The following GLIPR1L1 variants were observed in gnomAD, a reference collection of about 807,000 sequenced individuals.
The protein encoded by GLIPR1L1 is GLIPR1-like protein 1.
A neutral mutation model predicts 29.9 loss-of-function variants in GLIPR1L1; 26 were observed. That is an observed-to-expected ratio of 0.87 (90% CI 0.64 to 1.21). The LOEUF is 1.21. Ranked by LOEUF, GLIPR1L1 falls within the 50% of genes most tolerant of loss-of-function variation. The pLI, the probability that GLIPR1L1 is intolerant of heterozygous loss-of-function variation, is 0.00. For missense variants in GLIPR1L1, 305 were observed against 290.3 expected (o/e 1.05, Z -0.37); for synonymous variants, 77 against 97.5 (o/e 0.79, Z 1.24).
At chr12:75,360,941 T>C (rs78559089) in intron 3 of GLIPR1L1, 5,849 of 152,276 alleles carry the variant, frequency 0.038, 130 homozygotes, top group East Asian at 0.052. Flanking sequence ...CCCAACACTG[T>C]TGCAGTCTTT....
At chr12:75,363,586 T>C (rs2043764383) in intron 4 of GLIPR1L1, among the ~76,000 whole-genome samples, 1 of 152,200 alleles carries the variant, frequency 6.6e-6, no homozygotes, top group South Asian at 2.1e-4. Flanking sequence ...AACTAACATG[T>C]TTCTCTTTCA....
chr12:75,344,568 C>G (rs1420698604), intron 2 of GLIPR1L1, among the ~76,000 whole-genome samples: 2 of 151,994 alleles, frequency 1.3e-5, no homozygotes, highest in Non-Finnish European at 2.9e-5. Context: ...AATATTTTCC[C>G]TGCTAGCTCT....
chr12:75,335,963 T>C (rs1162043008), intron 1 of GLIPR1L1, among the ~76,000 whole-genome samples: 1 of 151,972 alleles, frequency 6.6e-6, no homozygotes, highest in Non-Finnish European at 1.5e-5. Flanking sequence ...TAATAAATGT[T>C]CTTTATATTT....
intron 3 of GLIPR1L1, among the ~76,000 whole-genome samples, chr12:75,355,997 G>C (rs968910571): frequency 1.3e-5 from 2 of 152,232 alleles, no homozygotes; most frequent in Admixed American, 6.5e-5. Flanking sequence ...TGGGGAGAGG[G>C]AGAGCATCAG....
At chr12:75,361,910 A>G (rs2043622328) in intron 3 of GLIPR1L1, among the ~76,000 whole-genome samples, 1 of 152,174 alleles carries the variant, frequency 6.6e-6, no homozygotes, top group African/African-American at 2.4e-5. Flanking sequence ...CCTAAATGTA[A>G]AACCTACAAC....
chr12:75,342,245 A>G (rs992927243), intron 1 of GLIPR1L1, among the ~76,000 whole-genome samples: 1 of 152,218 alleles, frequency 6.6e-6, no homozygotes, highest in African/African-American at 2.4e-5. Context: ...ATAAAATCAC[A>G]TAAACCTACA....
chr12:75,335,691 T>C lies in GLIPR1L1; in HGVS notation c.174+789T>C, dbSNP rs1353382770. Among the ~76,000 whole-genome samples, 4 of 151,990 alleles carry C rather than the reference T, an allele frequency of 2.6e-5. No individual in the cohort carries two copies. In the East Asian group the frequency reaches 7.7e-4, roughly 29 times the overall value. ...AGTTCAAAACTGTACTAGTCTACTG[T>C]ATAAGAAAATTATATTTTGATGGAG... On this transcript the variant is annotated intron_variant, in intron 1 of 5. Coordinates refer to ENST00000378695, the MANE Select transcript of GLIPR1L1 (RefSeq NM_001304964.2).
intron 1 of GLIPR1L1, among the ~76,000 whole-genome samples, chr12:75,343,393 A>T (rs779262772): frequency 5.3e-5 from 8 of 151,960 alleles, no homozygotes; most frequent in Non-Finnish European, 8.8e-5. Flanking sequence ...GAATTACTAG[A>T]CTTTGAATTC....
In GLIPR1L1 at chr12:75,370,300, TTAA is replaced by T. The variant is rs1233196336; in HGVS notation, c.*126_*128del. On this transcript the variant is annotated 3_prime_UTR_variant, in exon 6 of 6. Coordinates refer to ENST00000378695, the MANE Select transcript of GLIPR1L1 (RefSeq NM_001304964.2). ...CTACACTCTTGCCTGATACCTAAATTTAATGTTTGTTTTTAACTCAAAAAATGT... is the reference window on the plus strand; with the variant it reads ...CTACACTCTTGCCTGATACCTAAATTTGTTTGTTTTTAACTCAAAAAATGT... 3 of 570,902 alleles carry T rather than the reference TTAA, an allele frequency of 5.3e-6. No homozygotes were observed. Among genetic ancestry groups the T allele is most frequent in the Non-Finnish European group, 9.3e-6 (3 of 321,790 alleles). The allele number at this position is 570,902 out of a possible 1,614,324, so 35.4% of individuals were successfully genotyped here.
Position 75,369,956 on chromosome 12 carries a change from T to C in GLIPR1L1, c.611-4T>C, listed in dbSNP as rs2044249642. 8.9e-7 allele frequency: 1 copy of C among 1,126,348 alleles called. No individual in the cohort carries two copies. Among genetic ancestry groups the C allele is most frequent in the Non-Finnish European group, 1.2e-6 (1 of 806,874 alleles). 69.8% of individuals were successfully genotyped at this position (1,126,348 alleles called of 1,614,324 possible). On this transcript the variant is annotated splice_polypyrimidine_tract_variant and splice_region_variant and intron_variant, in intron 4 of 5. Coordinates refer to ENST00000378695, the MANE Select transcript of GLIPR1L1 (RefSeq NM_001304964.2). Reference sequence around the variant, plus strand: ...TATAATATTAACTTTAATTTTTACTTTAGGGACTCCACAACTTATTATACC... The same window carrying C: ...TATAATATTAACTTTAATTTTTACTCTAGGGACTCCACAACTTATTATACC...
chr12:75,361,072 A>G (rs1348449994), intron 3 of GLIPR1L1: 1 of 152,166 alleles, frequency 6.6e-6, no homozygotes, highest in African/African-American at 2.4e-5. Context: ...CTCTCAACAA[A>G]GAGAAATGTG....
intron 1 of GLIPR1L1, among the ~76,000 whole-genome samples, chr12:75,341,750 T>C (rs1007697304): frequency 7.2e-6 from 1 of 138,458 alleles, no homozygotes; most frequent in African/African-American, 2.7e-5. Context: ...CCGGCCTCTT[T>C]TTTTTTTTTT....
At position 75,343,865 on chromosome 12, in the gene GLIPR1L1, C is replaced by T; in HGVS notation, c.347C>T (p.Ala116Val). 1 of 1,612,540 alleles carries T rather than the reference C, an allele frequency of 6.2e-7. No homozygotes were observed. Residue 116 changes from alanine (A) to valine (V), a missense_variant, in exon 2 of 6, where the codon GCT becomes GTT. Transcript: ENST00000378695. ...KSFTPRHAIT[A>V]WYNETQFYDF... ...TTCACACCAAGACATGCCATTACGG[C>T]TTGGTATAATGAAACCCAATTTTAT...
At chr12:75,341,794 G>C (rs954940887) in intron 1 of GLIPR1L1, among the ~76,000 whole-genome samples, 1 of 123,106 alleles carries the variant, frequency 8.1e-6, no homozygotes, top group Admixed American at 1.0e-4. Flanking sequence ...CTGTCACCCA[G>C]ACTGGAGGGC....
chr12:75,345,465 G>A (rs2042386351), intron 2 of GLIPR1L1, among the ~76,000 whole-genome samples: 1 of 152,098 alleles, frequency 6.6e-6, no homozygotes, highest in African/African-American at 2.4e-5. Flanking sequence ...AATATAAAGA[G>A]CTAACCTTCT....
intron 1 of GLIPR1L1, among the ~76,000 whole-genome samples, chr12:75,337,046 T>C (rs2041783482): frequency 6.6e-6 from 1 of 151,854 alleles, no homozygotes; most frequent in African/African-American, 2.4e-5. Context: ...ATTACTATAA[T>C]TTAGATTTGA....
chr12:75,353,537 C>G lies in GLIPR1L1; in HGVS notation c.521+5815C>G, dbSNP rs111699379. On this transcript the variant is annotated intron_variant, in intron 3 of 5. Coordinates refer to ENST00000378695, the MANE Select transcript of GLIPR1L1 (RefSeq NM_001304964.2). ...CAACCAAAAACAGCACAGGACCAGACAGATTTACAGCTGAATTCTACCAGA... is the reference window on the plus strand; with the variant it reads ...CAACCAAAAACAGCACAGGACCAGAGAGATTTACAGCTGAATTCTACCAGA... Among the ~76,000 whole-genome samples the G allele has an allele frequency of 2.8e-3, 431 of 152,260 alleles. 2 individuals carry two copies. Among genetic ancestry groups the G allele is most frequent in the African/African-American group, 0.01 (417 of 41,552 alleles).
Position 75,369,948 on chromosome 12 carries a change from T to G in GLIPR1L1, c.611-12T>G. ...TAACATTTTATAATATTAACTTTAA[T>G]TTTTACTTTAGGGACTCCACAACTT... On this transcript the variant is annotated splice_polypyrimidine_tract_variant and intron_variant, in intron 4 of 5. Coordinates refer to ENST00000378695, the MANE Select transcript of GLIPR1L1 (RefSeq NM_001304964.2). The G allele has an allele frequency of 8.5e-7, 1 of 1,178,924 alleles. No individual in the cohort carries two copies. The highest frequency in any genetic ancestry group is 1.2e-6 in the Non-Finnish European group (1 of 860,220). The allele number at this position is 1,178,924 out of a possible 1,614,324, so 73.0% of individuals were successfully genotyped here.
chr12:75,335,564 C>A (rs1461726308), intron 1 of GLIPR1L1, among the ~76,000 whole-genome samples: 1 of 152,124 alleles, frequency 6.6e-6, no homozygotes, highest in African/African-American at 2.4e-5. Context: ...ATGTGCTATG[C>A]AGATGTAGAT....
Sources: allele counts gnomAD v4.1 joint callset (sites outside exome capture counted in the v4.1 genomes callset), GRCh38; gene constraint gnomAD v4.1.1; transcripts MANE v1.5; gene names NCBI Gene and HGNC (gene_info 2026-07-23, HGNC 2026-07-21).